Variants in TTC17 observed in about 807,000 individuals in gnomAD.
TTC17 encodes the protein tetratricopeptide repeat domain 17, also known as tetratricopeptide repeat protein 17.
TTC17 carries 58 observed loss-of-function variants against 143.8 expected under a neutral mutation model. The ratio of observed to expected loss-of-function variants is 0.40; its 90% CI spans 0.33 to 0.50. TTC17 has a LOEUF of 0.50. Among genes scored for constraint, TTC17 ranks in the 20% least tolerant of loss-of-function variants. TTC17 has a pLI of 0.49. For synonymous variants in TTC17, 501 were observed against 497.8 expected, an observed-to-expected ratio of 1.01 and a Z score of -0.09; for missense variants, 1,273 against 1,392.5, an observed-to-expected ratio of 0.91 and a Z score of 1.37.
chr11:43,395,287 T>G (rs1350949046), intron 5 of TTC17: 1 of 151,752 alleles, frequency 6.6e-6, no homozygotes, highest in Non-Finnish European at 1.5e-5. Context: ...TTTTTAGTGG[T>G]GATGGGGTTT....
At chr11:43,387,191 T>C (rs983606618) in intron 2 of TTC17, among the ~76,000 whole-genome samples, 1 of 152,250 alleles carries the variant, frequency 6.6e-6, no homozygotes, top group African/African-American at 2.4e-5. Context: ...ATGTTCAATC[T>C]TATTAAATAT....
At chr11:43,464,111 A>G (rs1400447030) in intron 21 of TTC17, among the ~76,000 whole-genome samples, 1 of 152,084 alleles carries the variant, frequency 6.6e-6, no homozygotes, top group Non-Finnish European at 1.5e-5. Flanking sequence ...CTCCATCTGT[A>G]CTAAAAATAC....
At chr11:43,431,885 G>C (rs1056663282) in intron 16 of TTC17, among the ~76,000 whole-genome samples, 2 of 152,226 alleles carry the variant, frequency 1.3e-5, no homozygotes, top group African/African-American at 4.8e-5. Flanking sequence ...AAAAGGTAAA[G>C]TAACTTGTCT....
At chr11:43,383,661 GC>G (rs1367937775) in intron 2 of TTC17, among the ~76,000 whole-genome samples, 7 of 152,100 alleles carry the variant, frequency 4.6e-5, no homozygotes, top group Non-Finnish European at 1.0e-4. Context: ...GAGCCACCGT[GC>G]CCGGCCACAA....
At chr11:43,444,269 A>C in intron 18 of TTC17, 60 bp downstream of exon 18, 13 of 1,516,584 alleles carry the variant, frequency 8.6e-6, no homozygotes, top group Non-Finnish European at 9.8e-6. Context: ...CTCATTTCTC[A>C]CAAAGGTTGT....
intron 23 of TTC17, 92 bp downstream of exon 23, chr11:43,492,255 C>A: frequency 6.8e-7 from 1 of 1,468,152 alleles, no homozygotes; most frequent in Non-Finnish European, 9.2e-7. Flanking sequence ...CATTGCCCAC[C>A]AATTTCCTGT....
rs776429780 is a variant in TTC17, at chr11:43,443,354, G to A, written c.2281G>A (p.Asp761Asn). The A allele has an allele frequency of 6.2e-7, 1 of 1,614,136 alleles. No individual in the cohort carries two copies. The highest frequency in any genetic ancestry group is 8.5e-7 in the Non-Finnish European group (1 of 1,179,998). Reference sequence around the variant, plus strand: ...GGTGGTTGAGGAGAGCAATGGTTCTGATGAGATGGAGAATTCAGATGAAAC... The same window carrying A: ...GGTGGTTGAGGAGAGCAATGGTTCTAATGAGATGGAGAATTCAGATGAAAC... ...GTVVEESNGS[D>N]EMENSDETKM... is the part of the protein sequence containing the mutation. Residue 761 changes from aspartate to asparagine, a missense_variant, in exon 17 of 24, where the codon GAT becomes AAT. Physicochemically the swap from Asp to Asn is conservative, Grantham distance 23. Coordinates refer to ENST00000039989, the MANE Select transcript of TTC17 (RefSeq NM_018259.6).
intron 3 of TTC17, among the ~76,000 whole-genome samples, chr11:43,391,195 TCAGAA>T (rs1352601430): frequency 6.6e-6 from 1 of 152,108 alleles, no homozygotes; most frequent in Non-Finnish European, 1.5e-5. Context: ...GGCCAGGAGT[TCAGAA>T]CTACCCTGGG....
chr11:43,413,785 C>CATTTT (rs1315939273), intron 15 of TTC17, among the ~76,000 whole-genome samples: 1 of 151,760 alleles, frequency 6.6e-6, no homozygotes, highest in Non-Finnish European at 1.5e-5. Context: ...CTGCAGCTCA[C>CATTTT]TAAAATAGCT....
At chr11:43,397,315 C>T (rs1158257727) in intron 6 of TTC17, 32 bp from the exon 7 acceptor site, 6 of 1,585,666 alleles carry the variant, frequency 3.8e-6, no homozygotes, top group Middle Eastern at 1.7e-4. Flanking sequence ...AGTGGTTCTA[C>T]ATAATCATGG....
intron 21 of TTC17, among the ~76,000 whole-genome samples, chr11:43,478,660 T>C (rs1165441098): frequency 5.3e-5 from 8 of 151,968 alleles, no homozygotes; most frequent in African/African-American, 1.9e-4. Flanking sequence ...CAGGCGAGAG[T>C]GCAGTGACAC....
intron 2 of TTC17, 36 bp from the exon 3 acceptor site, chr11:43,389,615 AG>A: frequency 6.4e-7 from 1 of 1,552,606 alleles, no homozygotes; most frequent in Non-Finnish European, 8.7e-7. Context: ...CTAAAATATT[AG>A]AAGAATCCAT....
intron 15 of TTC17, among the ~76,000 whole-genome samples, chr11:43,407,790 GT>G (rs200135125): frequency 0.012 from 1,704 of 143,884 alleles, 14 homozygotes; most frequent in Non-Finnish European, 0.015. Flanking sequence ...ACACAGTTAA[GT>G]TTTTTTTTTT....
In TTC17 at chr11:43,405,899, T is replaced by G; in HGVS notation, c.1709T>G (p.Leu570Ter). ...SHTLSYLVKE[L>*]EVRMDLKAKM... is the part of the protein sequence containing the mutation. ...ACTCTGTCCTACTTAGTCAAAGAAT[T>G]AGAGGTTCGCATGGATCTGAAAGCC... The change falls in exon 13 of 24, where the codon TTA becomes TGA. Residue 570 changes from leucine (L) to a stop codon, truncating the protein, a stop_gained. Coordinates refer to ENST00000039989, the MANE Select transcript of TTC17 (RefSeq NM_018259.6). LOFTEE classifies it high-confidence loss of function. The G allele has an allele frequency of 6.2e-7, 1 of 1,613,904 alleles. No homozygotes were observed. The highest frequency in any genetic ancestry group is 8.5e-7 in the Non-Finnish European group (1 of 1,179,896).
Position 43,405,572 on chromosome 11 carries a change from T to C in TTC17, c.1538T>C (p.Val513Ala). The C allele has an allele frequency of 6.2e-7, 1 of 1,613,882 alleles. No homozygotes were observed. The highest frequency in any genetic ancestry group is 8.5e-7 in the Non-Finnish European group (1 of 1,179,876). Residue 513 changes from valine (V) to alanine (A), a missense_variant, in exon 12 of 24, where the codon GTC (valine) becomes GCC (alanine). Val to Ala is a moderately conservative substitution (Grantham distance 64). Transcript: ENST00000039989. Reference sequence around the variant, plus strand: ...GATTGTACAGAAAGCTACCCTAGAGTCCCTGTTGGTGGGGAATTGCCAACG... The same window carrying C: ...GATTGTACAGAAAGCTACCCTAGAGCCCCTGTTGGTGGGGAATTGCCAACG... ...RADCTESYPR[V>A]PVGGELPTYF...
chr11:43,404,788 TTTAAG>T (rs1858034972), intron 11 of TTC17, among the ~76,000 whole-genome samples: 1 of 128,624 alleles, frequency 7.8e-6, no homozygotes, highest in Non-Finnish European at 1.8e-5. Flanking sequence ...AGCTTGAAGA[TTTAAG>T]TTTAGTAAGC....
rs759184532 is a variant in TTC17 at position 43,414,772 on chromosome 11, C to T, written c.2247C>T (p.Cys749=). ...TGTACAACATCACTTCTTCTGTTTGCAGTGGTAAGCAGCTTTCAAATGCTG... is the reference window on the plus strand; with the variant it reads ...TGTACAACATCACTTCTTCTGTTTGTAGTGGTAAGCAGCTTTCAAATGCTG... ...PFLYNITSSV[C]SGTVVEESNG... is the part of the protein sequence containing the mutation. The change falls in exon 16 of 24, where the codon TGC becomes TGT. Residue 749 remains cysteine, a synonymous_variant. Transcript: ENST00000039989. The T allele has an allele frequency of 1.2e-6, 2 of 1,610,832 alleles. No individual in the cohort carries two copies. The highest frequency in any genetic ancestry group is 2.7e-5 in the African/African-American group (2 of 74,732).
At chr11:43,473,882 CAAAAAAAAA>C in intron 21 of TTC17, among the ~76,000 whole-genome samples, 1 of 60,678 alleles carries the variant, frequency 1.6e-5, no homozygotes, top group Non-Finnish European at 3.4e-5. Flanking sequence ...GACTCTGTCT[CAAAAAAAAA>C]AAAAAAAAGA....
chr11:43,457,200 T>C (rs1947780583), intron 21 of TTC17, among the ~76,000 whole-genome samples: 1 of 152,052 alleles, frequency 6.6e-6, no homozygotes, highest in Admixed American at 6.5e-5. Context: ...GATTAGTTCC[T>C]AATCAGAATT....
Sources: gnomAD v4.1 joint callset for allele counts (sites outside exome capture counted in the v4.1 genomes callset) on GRCh38, gnomAD v4.1.1 for gene constraint, MANE v1.5 for transcripts, NCBI Gene and HGNC (gene_info 2026-07-23, HGNC 2026-07-21) for gene names.